CSGALNACT1: variants seen among roughly 807,000 people sequenced by gnomAD.
CSGALNACT1 encodes chondroitin sulfate N-acetylgalactosaminyltransferase 1, also known as beta4GalNAcT-1.
CSGALNACT1 carries 52 observed loss-of-function variants against 51.0 expected under a neutral mutation model. The ratio of observed to expected loss-of-function variants is 1.02; its 90% CI spans 0.82 to 1.29. The LOEUF (loss-of-function observed/expected upper bound fraction) is 1.29, where lower values mean the gene tolerates loss of function less well. Among genes scored for constraint, CSGALNACT1 ranks in the 50% most tolerant of loss-of-function variants. The probability of loss-of-function intolerance (pLI) is 0.00; values close to 1 mark genes in which losing one functional copy is unlikely to be tolerated. For missense variants in CSGALNACT1, 935 were observed against 679.2 expected (o/e 1.38, Z -4.19); for synonymous variants, 341 against 254.4 (o/e 1.34, Z -3.24).
chr8:19,566,215 G>A (rs1359744718), intron 3 of CSGALNACT1, among the ~76,000 whole-genome samples: 1 of 152,188 alleles, frequency 6.6e-6, no homozygotes, highest in Admixed American at 6.5e-5. Flanking sequence ...ATTCTTGTAA[G>A]AGAGAGGCAG....
At chr8:19,408,379 G>A (rs1352123861) in intron 9 of CSGALNACT1, among the ~76,000 whole-genome samples, 1 of 147,718 alleles carries the variant, frequency 6.8e-6, no homozygotes, top group African/African-American at 2.5e-5. Context: ...AGTTGGTCTT[G>A]AACTCCTGGC....
chr8:19,599,123 A>T (rs2049652719), intron 2 of CSGALNACT1, among the ~76,000 whole-genome samples: 1 of 151,622 alleles, frequency 6.6e-6, no homozygotes, highest in Non-Finnish European at 1.5e-5. Context: ...AGACAAAAGC[A>T]CAGGTCGGGG....
At chr8:19,493,190 TCCC>T (rs1563714740) in intron 4 of CSGALNACT1, among the ~76,000 whole-genome samples, 1 of 152,154 alleles carries the variant, frequency 6.6e-6, no homozygotes, top group African/African-American at 2.4e-5. Flanking sequence ...ACATTCAGCC[TCCC>T]CCAACCTTCT....
intron 3 of CSGALNACT1, among the ~76,000 whole-genome samples, chr8:19,561,205 G>C (rs967007539): frequency 6.6e-5 from 10 of 152,162 alleles, no homozygotes; most frequent in African/African-American, 2.4e-4. Context: ...CTCATGGAAG[G>C]TTATGGACAA....
chr8:19,556,099 C>T (rs145734793), intron 3 of CSGALNACT1, among the ~76,000 whole-genome samples: 15 of 152,166 alleles, frequency 9.9e-5, no homozygotes, highest in African/African-American at 3.4e-4. Flanking sequence ...TGATTTTGGC[C>T]GGGCAGGGTG....
At chr8:19,627,823 T>A (rs116046763) in intron 1 of CSGALNACT1, among the ~76,000 whole-genome samples, 1 of 152,134 alleles carries the variant, frequency 6.6e-6, no homozygotes, top group Non-Finnish European at 1.5e-5. Flanking sequence ...CAAGACCTCC[T>A]ACCTTTAAAA....
At chr8:19,416,414 A>C (rs2056890689) in intron 8 of CSGALNACT1, among the ~76,000 whole-genome samples, 1 of 152,086 alleles carries the variant, frequency 6.6e-6, no homozygotes. Context: ...CACCCGGCCA[A>C]GGAAAACTTT....
chr8:19,425,021 G>T (rs562393202), intron 6 of CSGALNACT1, among the ~76,000 whole-genome samples: 10 of 152,316 alleles, frequency 6.6e-5, no homozygotes, highest in African/African-American at 2.2e-4. Flanking sequence ...GCCAAAAGGA[G>T]AATTAAGCTT....
chr8:19,435,529 C>T (rs570044158), intron 6 of CSGALNACT1, among the ~76,000 whole-genome samples: 6 of 151,708 alleles, frequency 4.0e-5, no homozygotes, highest in East Asian at 3.9e-4. Context: ...TAGCTCCAAG[C>T]GAGTATCTAA....
rs758661894 is a variant in CSGALNACT1 at position 19,405,899 on chromosome 8, T to C, written c.1480A>G (p.Met494Val). ...GCCTCGTTCATGGCCTTGGACTGCA[T>C]GCACATCTTGTACTGCTCGGGGGTC... Residue 494 changes from methionine (M) to valine (V), a missense_variant, in exon 10 of 10, where the codon ATG (methionine) becomes GTG (valine). By Grantham distance (21) the Met-to-Val change is conservative. Coordinates refer to ENST00000454498, the Ensembl canonical transcript of CSGALNACT1. 5 of 1,614,208 alleles carry C rather than the reference T, an allele frequency of 3.1e-6. No individual in the cohort carries two copies. The South Asian group carries it at 3.3e-5, about 11-fold the overall frequency.
At chr8:19,451,609 C>A (rs193090613) in intron 5 of CSGALNACT1, among the ~76,000 whole-genome samples, 6 of 152,192 alleles carry the variant, frequency 3.9e-5, no homozygotes, top group Admixed American at 2.0e-4. Flanking sequence ...CTGGCCAGTA[C>A]GCCGGGTGAG....
At chr8:19,410,557 C>T (rs907283629) in intron 8 of CSGALNACT1, among the ~76,000 whole-genome samples, 2 of 152,100 alleles carry the variant, frequency 1.3e-5, no homozygotes, top group Non-Finnish European at 2.9e-5. Context: ...ACGCTCCGAA[C>T]AGGAAAAACA....
chr8:19,652,397 G>C (rs985428089), intron 1 of CSGALNACT1, among the ~76,000 whole-genome samples: 1 of 152,076 alleles, frequency 6.6e-6, no homozygotes, highest in East Asian at 1.9e-4. Flanking sequence ...AATATTCATG[G>C]ACCATGACCA....
chr8:19,422,058 C>A (rs892590099), intron 6 of CSGALNACT1, among the ~76,000 whole-genome samples: 6 of 152,152 alleles, frequency 3.9e-5, no homozygotes, highest in African/African-American at 1.2e-4. Context: ...TCACTCTACC[C>A]CTTTTGTCTC....
intron 1 of CSGALNACT1, among the ~76,000 whole-genome samples, chr8:19,667,051 GAAAGA>G (rs2059419180): frequency 4.0e-5 from 4 of 101,144 alleles, no homozygotes; most frequent in African/African-American, 8.0e-5. Flanking sequence ...AAGAAAGAAA[GAAAGA>G]AAGAAAGAAA....
At chr8:19,650,840 C>T (rs2057739338) in intron 1 of CSGALNACT1, among the ~76,000 whole-genome samples, 1 of 152,204 alleles carries the variant, frequency 6.6e-6, no homozygotes, top group South Asian at 2.1e-4. Flanking sequence ...TGACTAAAAA[C>T]TAAAGTGGCC....
At chr8:19,587,273 C>T (rs865990685) in intron 3 of CSGALNACT1, among the ~76,000 whole-genome samples, 1 of 152,158 alleles carries the variant, frequency 6.6e-6, no homozygotes, top group Non-Finnish European at 1.5e-5. Flanking sequence ...TTTATTAAAG[C>T]TCCAAATCAA....
chr8:19,649,123 C>G (rs866356582), intron 1 of CSGALNACT1, among the ~76,000 whole-genome samples: 6 of 152,170 alleles, frequency 3.9e-5, no homozygotes, highest in African/African-American at 1.4e-4. Context: ...TGAATTATCT[C>G]AATTATTTCG....
intron 2 of CSGALNACT1, among the ~76,000 whole-genome samples, chr8:19,597,265 G>A (rs1227828025): frequency 6.8e-6 from 1 of 147,334 alleles, no homozygotes; most frequent in Non-Finnish European, 1.5e-5. Context: ...TATTGGGTTG[G>A]GGCTGCCTCT....
Sources: allele counts gnomAD v4.1 joint callset (sites outside exome capture counted in the v4.1 genomes callset), GRCh38; gene constraint gnomAD v4.1.1; transcripts MANE v1.5; gene names NCBI Gene and HGNC (gene_info 2026-07-23, HGNC 2026-07-21).